The following ZNF609 variants were observed in gnomAD, a reference collection of about 807,000 sequenced individuals.
The protein encoded by ZNF609 is zinc finger protein 609.
A neutral mutation model predicts 109.5 loss-of-function variants in ZNF609; 11 were observed. The observed-to-expected ratio is 0.10, with a 90% CI of 0.06 to 0.17. ZNF609 has a LOEUF of 0.17. Ranked by LOEUF, ZNF609 falls within the 10% of genes least tolerant of loss-of-function variation. The pLI is 1.00. For synonymous variants in ZNF609, 646 were observed against 662.0 expected, an observed-to-expected ratio of 0.98 and a Z score of 0.37; for missense variants, 1,559 against 1,772.4, an observed-to-expected ratio of 0.88 and a Z score of 2.16.
At chr15:64,653,652 A>C (rs1567040084) in intron 3 of ZNF609, among the ~76,000 whole-genome samples, 1 of 147,616 alleles carries the variant, frequency 6.8e-6, no homozygotes, top group African/African-American at 2.7e-5. Context: ...TCTCCAAAAA[A>C]AATAAATAAA....
At chr15:64,528,566 G>T (rs1185773150) in intron 2 of ZNF609, 3 of 595,902 alleles carry the variant, frequency 5.0e-6, no homozygotes, top group African/African-American at 1.8e-5. Context: ...GTGAGGAGGG[G>T]AGATTCAGCT....
chr15:64,613,691 C>T (rs926786367), intron 2 of ZNF609, among the ~76,000 whole-genome samples: 4 of 151,912 alleles, frequency 2.6e-5, no homozygotes, highest in Admixed American at 1.3e-4. Flanking sequence ...GCTGGGACTA[C>T]AGGGATGTGC....
intron 2 of ZNF609, among the ~76,000 whole-genome samples, chr15:64,506,229 A>C (rs1893635116): frequency 6.6e-6 from 1 of 150,636 alleles, no homozygotes; most frequent in Non-Finnish European, 1.5e-5. Flanking sequence ...GCTCATTGCA[A>C]CCTCTGCCTT....
chr15:64,584,180 T>TG (rs1325798063), intron 2 of ZNF609, among the ~76,000 whole-genome samples: 1 of 152,166 alleles, frequency 6.6e-6, no homozygotes, highest in Non-Finnish European at 1.5e-5. Context: ...GAGGGTTCCC[T>TG]GCTGATCAGA....
At chr15:64,510,222 A>C (rs920361642) in intron 2 of ZNF609, among the ~76,000 whole-genome samples, 8 of 145,192 alleles carry the variant, frequency 5.5e-5, no homozygotes, top group Non-Finnish European at 1.2e-4. Context: ...TTTTTTTTTA[A>C]CAGACAGGGT....
In ZNF609 at chr15:64,571,441, A is replaced by C. The variant is rs117397896; in HGVS notation, c.748-51386A>C. On this transcript the variant is annotated intron_variant, in intron 2 of 9. Coordinates refer to ENST00000326648, the MANE Select transcript of ZNF609 (RefSeq NM_015042.2). ...AATGCCTGGTGCATGGTAAAAAGTT[A>C]TATAAACAGCTGCTATTTTTATTGT... Among the ~76,000 whole-genome samples, 989 of 152,272 alleles carry C rather than the reference A, an allele frequency of 6.5e-3. 8 individuals carry two copies. Among genetic ancestry groups the C allele is most frequent in the Middle Eastern group, 0.034 (10 of 294 alleles).
intron 2 of ZNF609, among the ~76,000 whole-genome samples, chr15:64,566,243 T>C (rs904339626): frequency 5.3e-5 from 8 of 152,172 alleles, no homozygotes; most frequent in African/African-American, 1.4e-4. Context: ...GGCAGGAGGA[T>C]TGCTTGAGCC....
chr15:64,632,444 TAAAG>T (rs565941383), intron 3 of ZNF609, among the ~76,000 whole-genome samples: 281 of 152,220 alleles, frequency 1.8e-3, no homozygotes, highest in Non-Finnish European at 3.6e-3. Context: ...TGTCTATAAA[TAAAG>T]GGTTTTTTGT....
intron 3 of ZNF609, among the ~76,000 whole-genome samples, chr15:64,634,663 A>G (rs1346790962): frequency 6.6e-6 from 1 of 152,192 alleles, no homozygotes; most frequent in Non-Finnish European, 1.5e-5. Flanking sequence ...GTACTCACCT[A>G]GAGGAGAGAT....
At chr15:64,665,655 A>T (rs1332223935) in intron 3 of ZNF609, among the ~76,000 whole-genome samples, 1 of 152,192 alleles carries the variant, frequency 6.6e-6, no homozygotes, top group Admixed American at 6.5e-5. Context: ...CATGCCTGTA[A>T]TCCCAGCACT....
At chr15:64,670,317 G>A (rs753106267) in intron 3 of ZNF609, 29 bp from the exon 4 acceptor site, 1 of 1,587,296 alleles carries the variant, frequency 6.3e-7, no homozygotes, top group Non-Finnish European at 8.7e-7. Context: ...GGTGTGTCTT[G>A]TCTATATCTA....
rs1896772607 is a variant in ZNF609 at position 64,674,017 on chromosome 15, C to T, written c.1163C>T (p.Thr388Ile). The change falls in exon 5 of 10, where the codon ACA becomes ATA. Residue 388 changes from threonine to isoleucine, a missense_variant. Coordinates refer to ENST00000326648, the MANE Select transcript of ZNF609 (RefSeq NM_015042.2). ...AATACACCTGTCAATGAGACAGCCA[C>T]AGCCTCTGACAGCAAAGGGACCAGT... ...NSNTPVNETA[T>I]ASDSKGTSNS... 3 of 1,614,188 alleles carry T rather than the reference C, an allele frequency of 1.9e-6. No individual in the cohort carries two copies. The East Asian group carries it at 6.7e-5, about 36-fold the overall frequency.
At chr15:64,584,999 G>A (rs1290302125) in intron 2 of ZNF609, among the ~76,000 whole-genome samples, 1 of 151,662 alleles carries the variant, frequency 6.6e-6, no homozygotes, top group Admixed American at 6.6e-5. Flanking sequence ...AAAAGAGGGG[G>A]CCCTGCTTAA....
chr15:64,605,796 C>T lies in ZNF609; in HGVS notation c.748-17031C>T, dbSNP rs1192116168. ...TCGCCCAGGCTTGAGTGCAGTGGCG[C>T]GATCTCGGCTCACTGCAACCTCCGA... On this transcript the variant is annotated intron_variant, in intron 2 of 9. Coordinates refer to ENST00000326648, the MANE Select transcript of ZNF609 (RefSeq NM_015042.2). Among the ~76,000 whole-genome samples, 6 of 145,740 alleles carry T rather than the reference C, an allele frequency of 4.1e-5. No homozygotes were observed. The Admixed American group carries it at 4.1e-4, about 10-fold the overall frequency.
chr15:64,576,264 G>A (rs1180650519), intron 2 of ZNF609, among the ~76,000 whole-genome samples: 1 of 152,148 alleles, frequency 6.6e-6, no homozygotes, highest in Admixed American at 6.6e-5. Flanking sequence ...AAATGTGGTT[G>A]TTGTTATTAA....
At chr15:64,630,528 A>G (rs1896054384) in intron 3 of ZNF609, among the ~76,000 whole-genome samples, 1 of 152,164 alleles carries the variant, frequency 6.6e-6, no homozygotes, top group Non-Finnish European at 1.5e-5. Flanking sequence ...AGTGGAATGT[A>G]GAAATCTTAC....
chr15:64,577,156 A>G (rs201688278), intron 2 of ZNF609, among the ~76,000 whole-genome samples: 20 of 112,390 alleles, frequency 1.8e-4, no homozygotes, highest in African/African-American at 2.9e-4. Flanking sequence ...ACATATGTGT[A>G]TATATACACA....
In ZNF609 at chr15:64,577,083, TAC is replaced by T. The variant is rs1235087740; in HGVS notation, c.748-45742_748-45741del. On this transcript the variant is annotated intron_variant, in intron 2 of 9. Coordinates refer to ENST00000326648, the MANE Select transcript of ZNF609 (RefSeq NM_015042.2). ...ATATATGTATATATACACAAATATA[TAC>T]ATATATGTATATATACACACAAATA... is the stretch of plus-strand genomic sequence containing the variant. Among the ~76,000 whole-genome samples the T allele has an allele frequency of 6.6e-5, 7 of 106,778 alleles. 1 individual carries two copies. The highest frequency in any genetic ancestry group is 2.4e-4 in the East Asian group (1 of 4,178). 70.1% of individuals were successfully genotyped at this position (106,778 alleles called of 152,430 possible). A position where few individuals can be genotyped will look rare whatever the true frequency, so the allele number is the denominator to read the frequency against.
intron 1 of ZNF609, among the ~76,000 whole-genome samples, chr15:64,465,942 T>G (rs1893007648): frequency 6.6e-6 from 1 of 151,334 alleles, no homozygotes; most frequent in South Asian, 2.1e-4. Context: ...ATGGTGAAAC[T>G]CCATCTCTAC....
Sources: allele counts gnomAD v4.1 joint callset (sites outside exome capture counted in the v4.1 genomes callset), GRCh38; gene constraint gnomAD v4.1.1; transcripts MANE v1.5; gene names NCBI Gene and HGNC (gene_info 2026-07-23, HGNC 2026-07-21).